The following XPOT variants were observed in gnomAD, a reference collection of about 807,000 sequenced individuals.
XPOT encodes exportin for tRNA.
XPOT carries 34 observed loss-of-function variants against 128.2 expected under a neutral mutation model. The observed-to-expected ratio is 0.27, with a 90% CI of 0.20 to 0.35. The LOEUF (loss-of-function observed/expected upper bound fraction) is 0.35, where lower values mean the gene tolerates loss of function less well. Ranked by LOEUF, XPOT falls within the 10% of genes least tolerant of loss-of-function variation. The pLI is 1.00. For synonymous variants in XPOT, 348 were observed against 394.3 expected (o/e 0.88, Z 1.39); for missense variants, 838 against 1,125.3 (o/e 0.74, Z 3.65).
At position 64,421,271 on chromosome 12, in the gene XPOT, T is replaced by G. The variant is rs1014017302; in HGVS notation, c.880T>G (p.Leu294Val). 1 of 1,613,858 alleles carries G rather than the reference T, an allele frequency of 6.2e-7. No homozygotes were observed. The highest frequency in any genetic ancestry group is 8.5e-7 in the Non-Finnish European group (1 of 1,179,830). ...DVDFLARFSKLVNGMGQSLIV... is the reference protein window; with the variant it reads ...DVDFLARFSKVVNGMGQSLIV... ...TGACTTCCTGGCCAGATTTTCTAAG[T>G]TGGTAAATGGAATGGGACAGTCATT... The change falls in exon 9 of 25, where the codon TTG (leucine) becomes GTG (valine). Residue 294 changes from leucine to valine, a missense_variant. This residue lies in a region of XPOT where 761 missense variants were observed against 988.3 expected (regional missense o/e 0.77). Coordinates refer to ENST00000332707, the MANE Select transcript of XPOT (RefSeq NM_007235.6).
At chr12:64,424,962 G>A in intron 12 of XPOT, 76 bp from the exon 13 acceptor site, 1 of 1,533,276 alleles carries the variant, frequency 6.5e-7, no homozygotes, top group South Asian at 1.2e-5. Context: ...GGCTTTTGTT[G>A]GTGTCTTACC....
intron 19 of XPOT, among the ~76,000 whole-genome samples, chr12:64,434,286 G>A (rs141527024): frequency 6.5e-4 from 99 of 152,280 alleles, no homozygotes; most frequent in African/African-American, 2.3e-3. Context: ...AGGAGCCACC[G>A]CGCCCAGCTG....
At chr12:64,410,542 G>A (rs937983753) in intron 2 of XPOT, among the ~76,000 whole-genome samples, 2 of 151,652 alleles carry the variant, frequency 1.3e-5, no homozygotes, top group Non-Finnish European at 2.9e-5. Context: ...GGCTGGTCTC[G>A]AACTCCTGAG....
chr12:64,441,172 G>A (rs554877929), intron 23 of XPOT, among the ~76,000 whole-genome samples: 54 of 152,238 alleles, frequency 3.5e-4, no homozygotes, highest in Non-Finnish European at 5.9e-4. Flanking sequence ...CACCATTATT[G>A]GAGAGATTAT....
At position 64,448,097 on chromosome 12, in the gene XPOT, A is replaced by AT. The variant is rs1592344551; in HGVS notation, c.2863-5dup. 2 of 1,613,540 alleles carry AT rather than the reference A, an allele frequency of 1.2e-6. No homozygotes were observed. The highest frequency in any genetic ancestry group is 4.5e-5 in the East Asian group (2 of 44,870). On this transcript the variant is annotated splice_region_variant and splice_polypyrimidine_tract_variant and intron_variant, in intron 24 of 24. Coordinates refer to ENST00000332707, the MANE Select transcript of XPOT (RefSeq NM_007235.6). ...TTAGTATTGATTGCATTAATACTTT[A>AT]TTTACAGGTGTTCTTCCAGAGAGCA...
At chr12:64,409,548 A>C (rs970492335) in intron 1 of XPOT, 4 of 153,638 alleles carry the variant, frequency 2.6e-5, no homozygotes, top group African/African-American at 9.6e-5. Flanking sequence ...ATCCTGGCTA[A>C]CACGGTGAAA....
intron 1 of XPOT, among the ~76,000 whole-genome samples, chr12:64,408,670 T>C (rs1466865264): frequency 6.6e-6 from 1 of 151,828 alleles, no homozygotes; most frequent in Non-Finnish European, 1.5e-5. Context: ...GTGGATTTTT[T>C]TTTGTGTGTT....
rs1007110424 is a variant in XPOT at position 64,421,140 on chromosome 12, T to C, written c.844-95T>C. 20 of 906,540 alleles carry C rather than the reference T, an allele frequency of 2.2e-5. No individual in the cohort carries two copies. The African/African-American group carries it at 3.2e-4, about 14-fold the overall frequency. 56.2% of individuals were successfully genotyped at this position (906,540 alleles called of 1,614,324 possible). A position where few individuals can be genotyped will look rare whatever the true frequency, so the allele number is the denominator to read the frequency against. On this transcript the variant is annotated intron_variant, in intron 8 of 24. Transcript: ENST00000332707. Reference sequence around the variant, plus strand: ...TATATGACGTCATTTTAAAATTGAATCCTGTAATTAGCACTTGATTCATAT... The same window carrying C: ...TATATGACGTCATTTTAAAATTGAACCCTGTAATTAGCACTTGATTCATAT...
Position 64,404,466 on chromosome 12 carries a change from A to AGCGGCG in XPOT, c.-404_-399dup, listed in dbSNP as rs896872647. Reference sequence around the variant, plus strand: ...CGGGGAGCGCGCTTCGCGCTGACTCAGCGGCGGCGGCGGCTGCGGCGGCGG... The same window carrying AGCGGCG: ...CGGGGAGCGCGCTTCGCGCTGACTCAGCGGCGGCGGCGGCGGCGGCTGCGGCGGCGG... On this transcript the variant is annotated 5_prime_UTR_variant, in exon 1 of 25. Coordinates refer to ENST00000332707, the MANE Select transcript of XPOT (RefSeq NM_007235.6). 2 of 157,672 alleles carry AGCGGCG rather than the reference A, an allele frequency of 1.3e-5. No individual in the cohort carries two copies. Among genetic ancestry groups the AGCGGCG allele is most frequent in the Non-Finnish European group, 1.4e-5 (1 of 73,000 alleles). 9.8% of individuals were successfully genotyped at this position (157,672 alleles called of 1,614,324 possible).
intron 18 of XPOT, among the ~76,000 whole-genome samples, chr12:64,432,199 T>G (rs1311027265): frequency 6.6e-6 from 1 of 152,162 alleles, no homozygotes. Flanking sequence ...ACATTTAAGC[T>G]GGCTAATAAA....
At chr12:64,418,807 A>G (rs1299248260) in intron 5 of XPOT, 69 bp from the exon 6 acceptor site, 1 of 1,452,692 alleles carries the variant, frequency 6.9e-7, no homozygotes, top group Non-Finnish European at 9.5e-7. Context: ...GCCTTTTAAT[A>G]AGACAACTGG....
intron 24 of XPOT, among the ~76,000 whole-genome samples, chr12:64,445,824 CAAAT>C (rs751517219): frequency 1.6e-4 from 25 of 152,282 alleles, no homozygotes; most frequent in Non-Finnish European, 3.2e-4. Context: ...TATCTTCACT[CAAAT>C]AATTTGAAGA....
intron 2 of XPOT, 53 bp downstream of exon 2, chr12:64,410,148 A>G (rs930959954): frequency 3.2e-6 from 5 of 1,556,432 alleles, no homozygotes; most frequent in Non-Finnish European, 4.4e-6. Flanking sequence ...GATTGGCATT[A>G]GAGGACTTGA....
intron 4 of XPOT, 80 bp downstream of exon 4, chr12:64,416,834 A>C: frequency 3.3e-6 from 4 of 1,224,016 alleles, no homozygotes; most frequent in Non-Finnish European, 4.8e-6. Context: ...TTCCATAAGG[A>C]AACCATAATA....
chr12:64,429,770 A>T (rs2040223330), intron 16 of XPOT, among the ~76,000 whole-genome samples: 1 of 152,188 alleles, frequency 6.6e-6, no homozygotes, highest in Admixed American at 6.5e-5. Flanking sequence ...TATAAATAAG[A>T]TCTTTACAAA....
At chr12:64,408,943 G>C (rs2040009587) in intron 1 of XPOT, among the ~76,000 whole-genome samples, 1 of 152,126 alleles carries the variant, frequency 6.6e-6, no homozygotes, top group African/African-American at 2.4e-5. Context: ...AAAGTTCTCA[G>C]ATTACCGGTG....
chr12:64,408,369 A>C (rs1050740881), intron 1 of XPOT, among the ~76,000 whole-genome samples: 3 of 152,144 alleles, frequency 2.0e-5, no homozygotes, highest in African/African-American at 7.2e-5. Context: ...CGGCCTCCCA[A>C]AGTGCTGGGA....
Position 64,416,780 on chromosome 12 carries a change from T to C in XPOT, c.200+26T>C, listed in dbSNP as rs768129490. On this transcript the variant is annotated intron_variant, in intron 4 of 24. Coordinates refer to ENST00000332707, the MANE Select transcript of XPOT (RefSeq NM_007235.6). ...GTAAGGCTTTTCTTACTGTTTTGAC[T>C]CAGATTTGCGGGGAGAGGTCATTTT... 6 of 1,596,712 alleles carry C rather than the reference T, an allele frequency of 3.8e-6. No homozygotes were observed. The East Asian group carries it at 1.3e-4, about 36-fold the overall frequency.
At chr12:64,408,451 C>G (rs1194714724) in intron 1 of XPOT, among the ~76,000 whole-genome samples, 1 of 152,130 alleles carries the variant, frequency 6.6e-6, no homozygotes. Flanking sequence ...GTCTCCCTAC[C>G]TTATAGGTCT....
Sources: gnomAD v4.1 joint callset for allele counts (sites outside exome capture counted in the v4.1 genomes callset) on GRCh38, gnomAD v4.1.1 for gene constraint, gnomAD v4.1.1 regional missense constraint, MANE v1.5 for transcripts, NCBI Gene and HGNC (gene_info 2026-07-23, HGNC 2026-07-21) for gene names.